MYO5A: variants seen among roughly 807,000 people sequenced by gnomAD.
MYO5A encodes myosin VA, also known as unconventional myosin-Va.
In MYO5A, 98 loss-of-function variants were observed where a neutral mutation model predicts 249.7. The ratio of observed to expected loss-of-function variants is 0.39; its 90% CI spans 0.33 to 0.46. The LOEUF (loss-of-function observed/expected upper bound fraction) is 0.46. Ranked by LOEUF, MYO5A falls within the 20% of genes least tolerant of loss-of-function variation. The pLI is 0.98. For missense variants in MYO5A, 1,696 were observed against 2,308.8 expected (o/e 0.73, Z 5.44); for synonymous variants, 778 against 810.6 (o/e 0.96, Z 0.68).
At chr15:52,462,862 G>A (rs2141419716) in intron 1 of MYO5A, among the ~76,000 whole-genome samples, 1 of 148,032 alleles carries the variant, frequency 6.8e-6, no homozygotes, top group South Asian at 2.2e-4. Flanking sequence ...AAAAAAAAAA[G>A]GTTATGAAAT....
chr15:52,344,961 T>C (rs1479004043), intron 30 of MYO5A, among the ~76,000 whole-genome samples: 1 of 152,252 alleles, frequency 6.6e-6, no homozygotes, highest in Non-Finnish European at 1.5e-5. Flanking sequence ...AGATATAACA[T>C]ATGTTTATAA....
intron 1 of MYO5A, among the ~76,000 whole-genome samples, chr15:52,444,554 C>T (rs1241517890): frequency 6.6e-6 from 1 of 152,150 alleles, no homozygotes; most frequent in African/African-American, 2.4e-5. Context: ...AGAATTCAAA[C>T]CGAGAAAGAT....
At chr15:52,484,713 C>T (rs1199217559) in intron 1 of MYO5A, among the ~76,000 whole-genome samples, 8 of 152,060 alleles carry the variant, frequency 5.3e-5, no homozygotes, top group Admixed American at 5.2e-4. Context: ...GGCATGATCT[C>T]GGCTCACTGC....
chr15:52,502,303 C>A (rs1595804325), intron 1 of MYO5A, among the ~76,000 whole-genome samples: 1 of 152,126 alleles, frequency 6.6e-6, no homozygotes, highest in African/African-American at 2.4e-5. Flanking sequence ...TACATACATA[C>A]ATACATACAT....
chr15:52,356,729 A>G (rs1044341067), intron 25 of MYO5A, among the ~76,000 whole-genome samples: 5 of 151,390 alleles, frequency 3.3e-5, no homozygotes, highest in African/African-American at 7.3e-5. Flanking sequence ...TAATTAAAAA[A>G]AAAAAAAAAT....
chr15:52,395,726 G>C (rs2042459402), intron 11 of MYO5A, among the ~76,000 whole-genome samples: 1 of 152,154 alleles, frequency 6.6e-6, no homozygotes, highest in Non-Finnish European at 1.5e-5. Context: ...AACTCACACA[G>C]TTCACCTCTG....
intron 1 of MYO5A, among the ~76,000 whole-genome samples, chr15:52,440,272 C>CTT (rs202124249): frequency 2.0e-3 from 290 of 145,702 alleles, no homozygotes; most frequent in Admixed American, 6.0e-3. Context: ...TTTTCTTTTT[C>CTT]TTTTTTTTTT....
intron 1 of MYO5A, among the ~76,000 whole-genome samples, chr15:52,504,100 T>C (rs948924716): frequency 4.0e-5 from 6 of 151,468 alleles, no homozygotes; most frequent in Non-Finnish European, 5.9e-5. Flanking sequence ...TGTTCTCTTC[T>C]TTCCCCCACT....
intron 1 of MYO5A, among the ~76,000 whole-genome samples, chr15:52,464,627 T>A (rs2076318017): frequency 6.6e-6 from 1 of 152,144 alleles, no homozygotes; most frequent in Non-Finnish European, 1.5e-5. Context: ...AATAAATATG[T>A]GTGAAATGAA....
At chr15:52,468,249 C>T (rs1013251766) in intron 1 of MYO5A, among the ~76,000 whole-genome samples, 1 of 152,148 alleles carries the variant, frequency 6.6e-6, no homozygotes. Flanking sequence ...CTGCAGTGAG[C>T]CGAGGTCACA....
At chr15:52,446,031 G>C (rs1382740649) in intron 1 of MYO5A, among the ~76,000 whole-genome samples, 1 of 152,254 alleles carries the variant, frequency 6.6e-6, no homozygotes, top group Non-Finnish European at 1.5e-5. Context: ...AATCCAAGCA[G>C]GCTGTGGAGC....
In MYO5A at chr15:52,405,315, G is replaced by T. The variant is rs1414508015; in HGVS notation, c.1025C>A (p.Ser342Tyr). The T allele has an allele frequency of 8.1e-6, 13 of 1,613,478 alleles. No individual in the cohort carries two copies. Among genetic ancestry groups the T allele is most frequent in the Non-Finnish European group, 1.1e-5 (13 of 1,179,490 alleles). Residue 342 changes from serine (S) to tyrosine (Y), a missense_variant, in exon 9 of 42, where the codon TCC becomes TAC. Coordinates refer to ENST00000399233, the MANE Select transcript of MYO5A (RefSeq NM_001382347.1). ...TATTGTGCAGCTGTCTGCATCTCGG[G>T]ATGTAAATCCAACATTGCCTAAGTG... ...ILHLGNVGFT[S>Y]RDADSCTIPP...
chr15:52,396,205 T>C (rs2042477764), intron 11 of MYO5A, 111 bp downstream of exon 11: 6 of 727,598 alleles, frequency 8.2e-6, no homozygotes, highest in South Asian at 3.3e-5. Flanking sequence ...CTAAGTTCCA[T>C]ATAATAATTT....
intron 31 of MYO5A, 121 bp from the exon 32 acceptor site, chr15:52,340,515 T>C (rs1221971709): frequency 5.9e-6 from 5 of 853,706 alleles, no homozygotes; most frequent in African/African-American, 5.0e-5. Flanking sequence ...GTATCTGTGT[T>C]ATCTTCTGAC....
chr15:52,389,115 G>A (rs1014315005), intron 13 of MYO5A, 123 bp downstream of exon 13: 2 of 951,578 alleles, frequency 2.1e-6, no homozygotes, highest in Non-Finnish European at 3.1e-6. Context: ...ACTGAAGACT[G>A]CTGTCCCTTG....
intron 25 of MYO5A, among the ~76,000 whole-genome samples, chr15:52,354,450 AT>A (rs1214122179): frequency 1.3e-5 from 2 of 152,092 alleles, no homozygotes; most frequent in South Asian, 4.1e-4. Context: ...TCATTGAAGC[AT>A]TTTTTTTGTA....
intron 11 of MYO5A, among the ~76,000 whole-genome samples, chr15:52,393,366 T>C (rs1200871769): frequency 6.6e-6 from 1 of 151,974 alleles, no homozygotes; most frequent in African/African-American, 2.4e-5. Context: ...GTAATGCCAC[T>C]CTTGGCTCAT....
At chr15:52,400,391 C>G (rs1247966908) in intron 9 of MYO5A, among the ~76,000 whole-genome samples, 1 of 152,120 alleles carries the variant, frequency 6.6e-6, no homozygotes. Context: ...TTTAGACTAA[C>G]AGAAAAGTTG....
chr15:52,435,737 G>A, intron 1 of MYO5A: 1 of 433,866 alleles, frequency 2.3e-6, no homozygotes. Context: ...TTTTAGTCTT[G>A]ACAAGTAAGA....
Sources: allele counts gnomAD v4.1 joint callset (sites outside exome capture counted in the v4.1 genomes callset), GRCh38; gene constraint gnomAD v4.1.1; transcripts MANE v1.5; gene names NCBI Gene and HGNC (gene_info 2026-07-23, HGNC 2026-07-21).